The following ACOX3 variants were observed in gnomAD, a reference collection of about 807,000 sequenced individuals.
The protein encoded by ACOX3 is peroxisomal acyl-coenzyme A oxidase 3.
A neutral mutation model predicts 81.5 loss-of-function variants in ACOX3; 73 were observed. The observed-to-expected ratio is 0.90, with a 90% CI of 0.74 to 1.09. The LOEUF (loss-of-function observed/expected upper bound fraction) is 1.09, where lower values mean the gene tolerates loss of function less well. Ranked by LOEUF, ACOX3 falls within the 50% of genes least tolerant of loss-of-function variation. The probability of loss-of-function intolerance (pLI) is 0.00; values close to 1 mark genes in which losing one functional copy is unlikely to be tolerated. For synonymous variants in ACOX3, 387 were observed against 375.1 expected (o/e 1.03, Z -0.37); for missense variants, 947 against 928.0 (o/e 1.02, Z -0.27).
intron 5 of ACOX3, among the ~76,000 whole-genome samples, chr4:8,411,781 C>A (rs537651632): frequency 6.6e-6 from 1 of 152,214 alleles, no homozygotes; most frequent in African/African-American, 2.4e-5. Flanking sequence ...GTGTCTCCCC[C>A]CAGCCCACAA....
chr4:8,375,262 G>T, intron 14 of ACOX3, 110 bp from the exon 15 acceptor site: 2 of 1,080,116 alleles, frequency 1.9e-6, no homozygotes, highest in Non-Finnish European at 1.3e-6. Flanking sequence ...TCCCGTGCAT[G>T]TCCTAGGACA....
downstream of ACOX3, among the ~76,000 whole-genome samples, chr4:8,365,312 C>T (rs1715345727): frequency 6.6e-6 from 1 of 152,256 alleles, no homozygotes; most frequent in Non-Finnish European, 1.5e-5. Flanking sequence ...CCCATTCTCT[C>T]TGAAAGCAGG....
At chr4:8,401,574 C>A (rs1578932079) in intron 7 of ACOX3, among the ~76,000 whole-genome samples, 1 of 152,216 alleles carries the variant, frequency 6.6e-6, no homozygotes, top group Middle Eastern at 3.2e-3. Flanking sequence ...CCTAACTCTG[C>A]CTCTTCAGCC....
chr4:8,437,814 GA>G lies in ACOX3; in HGVS notation c.-15+2833del, dbSNP rs1459107048. Among the ~76,000 whole-genome samples the G allele has an allele frequency of 1.3e-5, 2 of 152,232 alleles. No homozygotes were observed. Among genetic ancestry groups the G allele is most frequent in the African/African-American group, 4.8e-5 (2 of 41,454 alleles). ...GGCCAAGGGCTGCCGCACCTTGGAG[GA>G]ACCAAATACTGATCTGATCAGGCTG... is the stretch of plus-strand genomic sequence containing the variant. On this transcript the variant is annotated intron_variant, in intron 1 of 17. Transcript: ENST00000356406. The surrounding 1 kb of genome is among the most constrained non-coding windows in gnomAD (Gnocchi z 5.2).
At position 8,415,893 on chromosome 4, in the gene ACOX3, C is replaced by A. The variant is rs141433747; in HGVS notation, c.251G>T (p.Arg84Leu). ...ACTGAGGAAGTCATACTCGAAGATC[C>A]GCTTGCATCGAAGGAAGTTCAGCTC... ...YRELNFLRCK[R>L]IFEYDFLSVE... is the part of the protein sequence containing the mutation. The change falls in exon 3 of 18, where the codon CGG (arginine) becomes CTG (leucine). Residue 84 changes from arginine to leucine, a missense_variant. Physicochemically the swap from Arg to Leu is moderately radical, Grantham distance 102. Transcript: ENST00000356406. The A allele has an allele frequency of 2.5e-6, 4 of 1,614,178 alleles. No homozygotes were observed. Among genetic ancestry groups the A allele is most frequent in the Middle Eastern group, 1.6e-4 (1 of 6,062 alleles).
chr4:8,367,369 G>A (rs907667776), intron 17 of ACOX3, among the ~76,000 whole-genome samples: 1 of 151,998 alleles, frequency 6.6e-6, no homozygotes, highest in African/African-American at 2.4e-5. Context: ...TGTAATCCCA[G>A]CTACTCGGAA....
In ACOX3 at chr4:8,389,463, G is replaced by C. The variant is rs1247542700; in HGVS notation, c.1423+149C>G. On this transcript the variant is annotated intron_variant, in intron 12 of 17. Coordinates refer to ENST00000356406, the MANE Select transcript of ACOX3 (RefSeq NM_003501.3). This position sits in a 1 kb window ranked among gnomAD's most constrained non-coding sequence, Gnocchi z 5.3. Reference sequence around the variant, plus strand: ...CACCCCAGCCTTTGCCCATGCCTTGGGGAGTTGGTCGGCACTATCTAATAA... The same window carrying C: ...CACCCCAGCCTTTGCCCATGCCTTGCGGAGTTGGTCGGCACTATCTAATAA... 7.2e-7 allele frequency: 1 copy of C among 1,391,492 alleles called. No individual in the cohort carries two copies. Among genetic ancestry groups the C allele is most frequent in the African/African-American group, 1.4e-5 (1 of 70,086 alleles). 86.2% of individuals were successfully genotyped at this position (1,391,492 alleles called of 1,614,324 possible).
At chr4:8,417,250 G>C (rs562607895) in intron 1 of ACOX3, among the ~76,000 whole-genome samples, 1 of 152,252 alleles carries the variant, frequency 6.6e-6, no homozygotes, top group Non-Finnish European at 1.5e-5. Context: ...AGTCCTGGGC[G>C]TGGGCCGCCC....
chr4:8,398,018 A>G (rs1225822604), intron 8 of ACOX3, among the ~76,000 whole-genome samples: 1 of 152,224 alleles, frequency 6.6e-6, no homozygotes, highest in Non-Finnish European at 1.5e-5. Context: ...CAAATTAGCC[A>G]GGCCTGGCGG....
Position 8,397,088 on chromosome 4 carries a change from C to G in ACOX3, c.905G>C (p.Gly302Ala). Residue 302 changes from glycine to alanine, a missense_variant, in exon 9 of 18, where the codon GGG (glycine) becomes GCG (alanine). Transcript: ENST00000356406. ...GGAGACCCGGCCCGAGGACAGGCTC[C>G]CCAGGGACGCTCCAAAGCGCTGCCT... is the stretch of plus-strand genomic sequence containing the variant. ...DVRQRFGASL[G>A]SLSSGRVSIV... 6.3e-7 allele frequency: 1 copy of G among 1,584,088 alleles called. No homozygotes were observed. Among genetic ancestry groups the G allele is most frequent in the East Asian group, 2.3e-5 (1 of 43,446 alleles).
chr4:8,425,154 A>C (rs1723335035), intron 1 of ACOX3, among the ~76,000 whole-genome samples: 2 of 152,212 alleles, frequency 1.3e-5, no homozygotes, highest in African/African-American at 2.4e-5. Context: ...AGAAACCTAA[A>C]GAGGTGGCAG....
Position 8,421,160 on chromosome 4 carries a change from G to A in ACOX3, c.-14-4625C>T, listed in dbSNP as rs149904308. Among the ~76,000 whole-genome samples, 497 of 152,258 alleles carry A rather than the reference G, an allele frequency of 3.3e-3. 6 individuals carry two copies. The highest frequency in any genetic ancestry group is 0.011 in the African/African-American group (475 of 41,540). ...GGCTCGTATGGGGATTCTCCAAAGC[G>A]GTGAGTAATATTGAACCACTTTCAC... On this transcript the variant is annotated intron_variant, in intron 1 of 17. Transcript: ENST00000356406.
intron 10 of ACOX3, chr4:8,393,106 A>T (rs550402585): frequency 4.0e-5 from 6 of 150,708 alleles, no homozygotes; most frequent in Admixed American, 3.3e-4. Flanking sequence ...CCGCCTGGGA[A>T]TAGCAGGTGC....
intron 7 of ACOX3, among the ~76,000 whole-genome samples, chr4:8,403,715 T>C (rs1208011334): frequency 6.6e-6 from 1 of 152,244 alleles, no homozygotes; most frequent in African/African-American, 2.4e-5. Flanking sequence ...CTAATGCTCC[T>C]TTGAATATTA....
chr4:8,379,788 G>A (rs1030943105), intron 14 of ACOX3, among the ~76,000 whole-genome samples: 28 of 152,176 alleles, frequency 1.8e-4, no homozygotes, highest in African/African-American at 6.8e-4. Flanking sequence ...TTAAAAAAAT[G>A]TTTTCTTTCT....
At chr4:8,429,775 G>T (rs1446609046) in intron 1 of ACOX3, among the ~76,000 whole-genome samples, 3 of 152,222 alleles carry the variant, frequency 2.0e-5, no homozygotes, top group African/African-American at 7.2e-5. Context: ...GCCATGTAAA[G>T]AACAAGGAAG....
rs148262092 is a variant in ACOX3 at position 8,384,692 on chromosome 4, G to A, written c.1538-3085C>T. On this transcript the variant is annotated intron_variant, in intron 13 of 17. Transcript: ENST00000356406. This position sits in a 1 kb window ranked among gnomAD's most constrained non-coding sequence, Gnocchi z 5.3. ...TCTTCGCATGCACTGCCTGCCTTTC[G>A]GGTCTCGGTTTCCTCTCCCGTCTCT... Among the ~76,000 whole-genome samples the A allele has an allele frequency of 2.0e-5, 3 of 152,196 alleles. No individual in the cohort carries two copies. Among genetic ancestry groups the A allele is most frequent in the South Asian group, 2.1e-4 (1 of 4,818 alleles).
At position 8,415,815 on chromosome 4, in the gene ACOX3, A is replaced by G; in HGVS notation, c.329T>C (p.Leu110Pro). The G allele has an allele frequency of 6.2e-7, 1 of 1,614,178 alleles. No individual in the cohort carries two copies. Among genetic ancestry groups the G allele is most frequent in the Non-Finnish European group, 8.5e-7 (1 of 1,180,026 alleles). Residue 110 changes from leucine to proline, a missense_variant, in exon 3 of 18, where the codon CTG becomes CCG. By Grantham distance (98) the Leu-to-Pro change is moderately conservative. Coordinates refer to ENST00000356406, the MANE Select transcript of ACOX3 (RefSeq NM_003501.3). ...AGCCAGAGAAGAGTCATACATGCCC[A>G]GGCACTGAATCAAGGCGGGGACCTT... ...PLKVPALIQC[L>P]GMYDSSLAAK...
Position 8,431,734 on chromosome 4 carries a change from C to G in ACOX3, c.-15+8914G>C, listed in dbSNP as rs998150457. 2.0e-5 allele frequency among the ~76,000 whole-genome samples: 3 copies of G among 152,244 alleles called. No homozygotes were observed. Among genetic ancestry groups the G allele is most frequent in the African/African-American group, 7.2e-5 (3 of 41,474 alleles). On this transcript the variant is annotated intron_variant, in intron 1 of 17. Transcript: ENST00000356406. This position sits in a 1 kb window ranked among gnomAD's most constrained non-coding sequence, Gnocchi z 5.3. The stretch of plus-strand genomic sequence containing the variant: ...CAGTGGACAATGACCCACGGGAGCA[C>G]TGCCATAGGGCCTCACCCACCCCCT...
Sources: allele counts gnomAD v4.1 joint callset (sites outside exome capture counted in the v4.1 genomes callset), GRCh38; gene constraint gnomAD v4.1.1; non-coding constraint Gnocchi (gnomAD v3.1); transcripts MANE v1.5; gene names NCBI Gene and HGNC (gene_info 2026-07-23, HGNC 2026-07-21).